The following SLC66A3 variants were observed in gnomAD, a reference collection of about 807,000 sequenced individuals.
The protein encoded by SLC66A3 is PQ loop repeat containing 3.
In SLC66A3, 23 loss-of-function variants were observed where a neutral mutation model predicts 25.5. That is an observed-to-expected ratio of 0.90 (90% CI 0.65 to 1.28). SLC66A3 has a LOEUF of 1.28. SLC66A3 is among the 50% of genes most tolerant of loss of function. The probability of loss-of-function intolerance (pLI) is 0.00; values close to 1 mark genes in which losing one functional copy is unlikely to be tolerated. For synonymous variants in SLC66A3, 108 were observed against 112.6 expected (o/e 0.96, Z 0.26); for missense variants, 246 against 262.1 (o/e 0.94, Z 0.42).
chr2:11,160,805 A>T (rs2147984868), intron 3 of SLC66A3, 111 bp downstream of exon 3: 24 of 312,986 alleles, frequency 7.7e-5, no homozygotes, highest in African/African-American at 2.2e-4. Flanking sequence ...TTAAACTAAA[A>T]AAAAAAAAAA....
chr2:11,163,538 G>A (rs557608573), intron 3 of SLC66A3, among the ~76,000 whole-genome samples: 9 of 152,282 alleles, frequency 5.9e-5, no homozygotes, highest in Non-Finnish European at 1.2e-4. Context: ...TCGGTGCTAC[G>A]TGCTTGTAGG....
intron 1 of SLC66A3, among the ~76,000 whole-genome samples, chr2:11,156,107 A>G (rs1431034339): frequency 2.0e-5 from 3 of 152,204 alleles, no homozygotes; most frequent in African/African-American, 7.2e-5. Flanking sequence ...CTGTGAAATA[A>G]GGGGTTGAAC....
chr2:11,157,611 G>T (rs183329234), intron 1 of SLC66A3, among the ~76,000 whole-genome samples: 1 of 152,250 alleles, frequency 6.6e-6, no homozygotes, highest in African/African-American at 2.4e-5. Context: ...CAGGGCTGTC[G>T]CAGTCAGCCA....
At chr2:11,155,788 C>T (rs901937262) in intron 1 of SLC66A3, 99 bp downstream of exon 1, 1 of 1,161,458 alleles carries the variant, frequency 8.6e-7, no homozygotes, top group African/African-American at 1.6e-5. Context: ...CGGGGATGAT[C>T]CCCGCGCGCC....
At chr2:11,165,743 C>G (rs1026438472) in intron 4 of SLC66A3, among the ~76,000 whole-genome samples, 2 of 152,200 alleles carry the variant, frequency 1.3e-5, no homozygotes, top group South Asian at 2.1e-4. Context: ...ACTGAGTGAA[C>G]GAGACTCCAT....
intron 4 of SLC66A3, among the ~76,000 whole-genome samples, chr2:11,165,712 C>T (rs1159023231): frequency 7.9e-5 from 12 of 152,232 alleles, no homozygotes; most frequent in Non-Finnish European, 2.9e-5. Context: ...TCACTGCACT[C>T]CAGCCTGGGC....
chr2:11,170,592 C>A, intron 4 of SLC66A3, among the ~76,000 whole-genome samples: 1 of 144,580 alleles, frequency 6.9e-6, no homozygotes, highest in African/African-American at 2.5e-5. Context: ...TATCTCAGTA[C>A]TTTTTTTTTT....
At chr2:11,164,486 C>G (rs962173915) in intron 4 of SLC66A3, among the ~76,000 whole-genome samples, 1 of 148,588 alleles carries the variant, frequency 6.7e-6, no homozygotes, top group African/African-American at 2.5e-5. Context: ...GGATTACAGG[C>G]ATGTGCCACC....
At chr2:11,158,489 T>C (rs778454783) in intron 1 of SLC66A3, among the ~76,000 whole-genome samples, 2 of 152,194 alleles carry the variant, frequency 1.3e-5, no homozygotes, top group Non-Finnish European at 2.9e-5. Context: ...GGTGAAACCC[T>C]GTCTCTACTA....
At chr2:11,172,076 C>G (rs1558258764) in intron 5 of SLC66A3, 31 bp downstream of exon 5, 1 of 1,610,848 alleles carries the variant, frequency 6.2e-7, no homozygotes, top group East Asian at 2.2e-5. Context: ...GTGGGGAGGC[C>G]TTTGGTAGCA....
rs1267218927 is a variant in SLC66A3 at position 11,172,105 on chromosome 2, GGGTGTTAAGTT to G, written c.475+67_475+77del. On this transcript the variant is annotated intron_variant, in intron 5 of 6. Transcript: ENST00000295083. ...GGTAGCACCAAGTGTCTACGTAGTAGGGTGTTAAGTTGGTGTTGAAGTAACATGGTCCCTGG... is the reference window on the plus strand; with the variant it reads ...GGTAGCACCAAGTGTCTACGTAGTAGGGTGTTGAAGTAACATGGTCCCTGG... 5.1e-6 allele frequency: 8 copies of G among 1,563,362 alleles called. No individual in the cohort carries two copies. In the East Asian group the frequency reaches 1.8e-4, roughly 35 times the overall value.
chr2:11,176,525 CTTT>C (rs775778444), intron 6 of SLC66A3, among the ~76,000 whole-genome samples: 90 of 87,292 alleles, frequency 1.0e-3, no homozygotes, highest in Non-Finnish European at 1.6e-3. Context: ...CTGGGAATAA[CTTT>C]TTTTTTTTTT....
chr2:11,169,509 CCTT>C (rs966528487), intron 4 of SLC66A3, among the ~76,000 whole-genome samples: 13 of 152,118 alleles, frequency 8.5e-5, no homozygotes, highest in African/African-American at 3.1e-4. Context: ...GATCAGGACT[CCTT>C]CTTGAATCAC....
At chr2:11,164,734 T>C (rs1662257253) in intron 4 of SLC66A3, among the ~76,000 whole-genome samples, 1 of 151,554 alleles carries the variant, frequency 6.6e-6, no homozygotes, top group Non-Finnish European at 1.5e-5. Context: ...GGAGTGGTGA[T>C]GATTCTTAAC....
chr2:11,175,211 A>C (rs1662696005), intron 6 of SLC66A3, among the ~76,000 whole-genome samples: 1 of 152,232 alleles, frequency 6.6e-6, no homozygotes, highest in Non-Finnish European at 1.5e-5. Flanking sequence ...GGGATAGACT[A>C]TGCACAAGAC....
At chr2:11,174,156 C>T (rs1662649719) in intron 5 of SLC66A3, among the ~76,000 whole-genome samples, 1 of 152,100 alleles carries the variant, frequency 6.6e-6, no homozygotes, top group Non-Finnish European at 1.5e-5. Context: ...CAGGGTCTCA[C>T]CATGTTGGTC....
chr2:11,158,645 G>A (rs1043327324), intron 1 of SLC66A3, among the ~76,000 whole-genome samples: 1 of 152,148 alleles, frequency 6.6e-6, no homozygotes, highest in Non-Finnish European at 1.5e-5. Context: ...CTGGGTGACA[G>A]AGCAAGACTC....
Position 11,160,687 on chromosome 2 carries a change from A to C in SLC66A3, c.289A>C (p.Ile97Leu). The change falls in exon 3 of 7, where the codon ATC becomes CTC. Residue 97 changes from isoleucine (I) to leucine (L), a missense_variant. Around this residue, in one of 3 missense-constraint regions of SLC66A3, gnomAD observed 142 missense variants for 130.3 expected, o/e 1.09. Transcript: ENST00000295083. ...GAACGTGAAGCAGGCCACTCCTTAC[A>C]TCGCTGTGTATCCTTTCTGAATCTG... Reference protein sequence around the residue: ...NGNVKQATPYIAVLVSSWFIL... With the variant: ...NGNVKQATPYLAVLVSSWFIL... 1.2e-6 allele frequency: 2 copies of C among 1,613,692 alleles called. No homozygotes were observed. The highest frequency in any genetic ancestry group is 1.7e-6 in the Non-Finnish European group (2 of 1,179,928).
At chr2:11,164,979 C>T (rs1662267827) in intron 4 of SLC66A3, among the ~76,000 whole-genome samples, 1 of 152,144 alleles carries the variant, frequency 6.6e-6, no homozygotes, top group South Asian at 2.1e-4. Context: ...CTATCTTTTC[C>T]CCTTTCCCCC....
Sources: allele counts gnomAD v4.1 joint callset (sites outside exome capture counted in the v4.1 genomes callset), GRCh38; gene constraint gnomAD v4.1.1; regional missense constraint gnomAD v4.1.1; transcripts MANE v1.5; gene names NCBI Gene and HGNC (gene_info 2026-07-23, HGNC 2026-07-21).